Variants in DMXL1 observed in about 807,000 individuals in gnomAD.
DMXL1 encodes the protein Dmx like 1.
DMXL1 carries 99 observed loss-of-function variants against 319.2 expected under a neutral mutation model. The ratio of observed to expected loss-of-function variants is 0.31; its 90% CI spans 0.26 to 0.37. The LOEUF is 0.37. Ranked by LOEUF, DMXL1 falls within the 10% of genes least tolerant of loss-of-function variation. DMXL1 has a pLI of 1.00. For synonymous variants in DMXL1, 1,385 were observed against 1,235.2 expected (o/e 1.12, Z -2.54); for missense variants, 3,745 against 3,595.6 (o/e 1.04, Z -1.06).
rs1051024393 is a variant in DMXL1 at position 119,167,622 on chromosome 5, A to G, written c.5156A>G (p.Asn1719Ser). 1.9e-6 allele frequency: 3 copies of G among 1,602,226 alleles called. No individual in the cohort carries two copies. The African/African-American group carries it at 4.0e-5, about 21-fold the overall frequency. ...TTAAAGGTATGTCTTGAGAAATTGA[A>G]TGACATTCAGTTGGCTCTTGTAATA... The part of the protein sequence containing the change: ...DAIEVCLEKL[N>S]DIQLALVIAR... The change falls in exon 23 of 44, where the codon AAT becomes AGT. Residue 1719 changes from asparagine to serine, a missense_variant. Coordinates refer to ENST00000539542, the MANE Select transcript of DMXL1 (RefSeq NM_001290321.3).
chr5:119,152,054 C>G lies in DMXL1; in HGVS notation c.4702+18C>G. ...TCACCAAGGTGATTTTGATAGTAAT[C>G]TATTAAAGGGAAATAAAGCGAGTAG... On this transcript the variant is annotated intron_variant, in intron 19 of 43. Coordinates refer to ENST00000539542, the MANE Select transcript of DMXL1 (RefSeq NM_001290321.3). 1 of 1,542,490 alleles carries G rather than the reference C, an allele frequency of 6.5e-7. No individual in the cohort carries two copies. The highest frequency in any genetic ancestry group is 8.9e-7 in the Non-Finnish European group (1 of 1,118,200).
At chr5:119,218,376 G>C (rs986812116) in intron 35 of DMXL1, among the ~76,000 whole-genome samples, 7 of 152,080 alleles carry the variant, frequency 4.6e-5, no homozygotes, top group Admixed American at 2.6e-4. Flanking sequence ...ACAAGTTACT[G>C]TCTATGAATA....
intron 9 of DMXL1, among the ~76,000 whole-genome samples, chr5:119,124,491 A>C (rs1179724556): frequency 6.6e-6 from 1 of 151,702 alleles, no homozygotes; most frequent in Middle Eastern, 3.4e-3. Context: ...AGGTCAGTCT[A>C]TTAAGTAAAA....
chr5:119,128,514 G>C (rs1238551768), intron 9 of DMXL1: 1 of 158,152 alleles, frequency 6.3e-6, no homozygotes, highest in African/African-American at 2.4e-5. Context: ...GTGTTCCAGA[G>C]ATTTAAAGAT....
intron 37 of DMXL1, among the ~76,000 whole-genome samples, chr5:119,222,829 CTTA>C (rs766886376): frequency 2.6e-5 from 4 of 152,072 alleles, no homozygotes; most frequent in Admixed American, 1.3e-4. Flanking sequence ...GTCTCTTGAA[CTTA>C]TTAAGCTCAT....
Position 119,149,326 on chromosome 5 carries a change from C to A in DMXL1, c.3499C>A (p.Pro1167Thr), listed in dbSNP as rs370468993. 4 of 1,613,910 alleles carry A rather than the reference C, an allele frequency of 2.5e-6. No individual in the cohort carries two copies. The highest frequency in any genetic ancestry group is 3.4e-6 in the Non-Finnish European group (4 of 1,179,880). Reference sequence around the variant, plus strand: ...TGGATCAAAACTTTTTATGTATGGACCCCTGGCTGGCAAGGTACAAGACCA... The same window carrying A: ...TGGATCAAAACTTTTTATGTATGGAACCCTGGCTGGCAAGGTACAAGACCA... Reference protein sequence around the residue: ...GIGSKLFMYGPLAGKVQDQTG... With the variant: ...GIGSKLFMYGTLAGKVQDQTG... Residue 1167 changes from proline to threonine, a missense_variant, in exon 18 of 44, where the codon CCC becomes ACC. Around this residue, in one of 4 missense-constraint regions of DMXL1, gnomAD observed 2,096 missense variants for 1,985.4 expected, o/e 1.06. Coordinates refer to ENST00000539542, the MANE Select transcript of DMXL1 (RefSeq NM_001290321.3).
intron 22 of DMXL1, 116 bp from the exon 23 acceptor site, chr5:119,167,487 G>T: frequency 1.2e-6 from 1 of 826,330 alleles, no homozygotes; most frequent in East Asian, 2.7e-5. Context: ...ATCCTTCTTT[G>T]CTAATTTTGG....
At chr5:119,173,871 T>C (rs1259525809) in intron 25 of DMXL1, among the ~76,000 whole-genome samples, 1 of 148,370 alleles carries the variant, frequency 6.7e-6, no homozygotes, top group Non-Finnish European at 1.5e-5. Flanking sequence ...GATCTGCAGT[T>C]GGCAAGTTGG....
chr5:119,237,433 C>T lies in DMXL1; in HGVS notation c.8559+19C>T. The stretch of plus-strand genomic sequence containing the variant: ...ATACCTGGTAAGCCAAGAATTTCTA[C>T]CTTTAAATAAAATTTGAATTTTCAT... On this transcript the variant is annotated intron_variant, in intron 40 of 43. Coordinates refer to ENST00000539542, the MANE Select transcript of DMXL1 (RefSeq NM_001290321.3). 1 of 1,476,756 alleles carries T rather than the reference C, an allele frequency of 6.8e-7. No individual in the cohort carries two copies. Among genetic ancestry groups the T allele is most frequent in the South Asian group, 1.2e-5 (1 of 83,104 alleles). 91.5% of individuals were successfully genotyped at this position (1,476,756 alleles called of 1,614,324 possible).
Position 119,170,288 on chromosome 5 carries a change from A to G in DMXL1, c.5497A>G (p.Thr1833Ala). 2 of 1,613,916 alleles carry G rather than the reference A, an allele frequency of 1.2e-6. No individual in the cohort carries two copies. The highest frequency in any genetic ancestry group is 1.7e-6 in the Non-Finnish European group (2 of 1,179,954). Residue 1833 changes from threonine (T) to alanine (A), a missense_variant, in exon 24 of 44, where the codon ACA becomes GCA. Physicochemically the swap from Thr to Ala is moderately conservative, Grantham distance 58. Coordinates refer to ENST00000539542, the MANE Select transcript of DMXL1 (RefSeq NM_001290321.3). ...GAGACGTCATTTTGGATCATCTGATACATTTTCCACACATATGAGCCTAAC... is the reference window on the plus strand; with the variant it reads ...GAGACGTCATTTTGGATCATCTGATGCATTTTCCACACATATGAGCCTAAC... Reference protein sequence around the residue: ...LLRRHFGSSDTFSTHMSLTGK... With the variant: ...LLRRHFGSSDAFSTHMSLTGK...
intron 28 of DMXL1, among the ~76,000 whole-genome samples, chr5:119,188,586 C>A (rs1419339354): frequency 6.6e-6 from 1 of 152,154 alleles, no homozygotes; most frequent in Non-Finnish European, 1.5e-5. Flanking sequence ...AGCAGTAATA[C>A]TGGAAACTTG....
chr5:119,130,064 C>A (rs1764490602), intron 10 of DMXL1, among the ~76,000 whole-genome samples: 1 of 151,652 alleles, frequency 6.6e-6, no homozygotes, highest in Admixed American at 6.6e-5. Context: ...ATCTCTGTGA[C>A]AGTCTGTGGT....
intron 6 of DMXL1, among the ~76,000 whole-genome samples, chr5:119,115,444 C>T (rs750158538): frequency 6.6e-5 from 10 of 152,142 alleles, no homozygotes; most frequent in South Asian, 2.1e-4. Context: ...GAGCATTTCA[C>T]GAGCTGCTAA....
chr5:119,101,074 G>C (rs1052874185), intron 2 of DMXL1, among the ~76,000 whole-genome samples: 2 of 151,970 alleles, frequency 1.3e-5, no homozygotes, highest in African/African-American at 2.4e-5. Context: ...AGCCACCGCG[G>C]CCGGCCTTAC....
chr5:119,170,262 T>C lies in DMXL1; in HGVS notation c.5471T>C (p.Leu1824Pro). 1 of 1,613,836 alleles carries C rather than the reference T, an allele frequency of 6.2e-7. No individual in the cohort carries two copies. The highest frequency in any genetic ancestry group is 8.5e-7 in the Non-Finnish European group (1 of 1,179,930). ...YNYLRTHPLL[L>P]RRHFGSSDTF... ...TATCTAAGAACACATCCTCTTTTGC[T>C]GAGACGTCATTTTGGATCATCTGAT... Residue 1824 changes from leucine (L) to proline (P), a missense_variant, in exon 24 of 44, where the codon CTG becomes CCG. Around this residue, in one of 4 missense-constraint regions of DMXL1, gnomAD observed 1,382 missense variants for 1,269.5 expected, o/e 1.09. Coordinates refer to ENST00000539542, the MANE Select transcript of DMXL1 (RefSeq NM_001290321.3).
intron 26 of DMXL1, 84 bp downstream of exon 26, chr5:119,175,421 A>G (rs1561799788): frequency 1.1e-6 from 1 of 945,316 alleles, no homozygotes; most frequent in East Asian, 2.6e-5. Context: ...TTAGAACTAT[A>G]TATAACAGTC....
At position 119,129,400 on chromosome 5, in the gene DMXL1, A is replaced by G; in HGVS notation, c.1292A>G (p.Gln431Arg). The change falls in exon 10 of 44, where the codon CAG becomes CGG. Residue 431 changes from glutamine (Q) to arginine (R), a missense_variant. Physicochemically the swap from Gln to Arg is conservative, Grantham distance 43. Coordinates refer to ENST00000539542, the MANE Select transcript of DMXL1 (RefSeq NM_001290321.3). ...SSEASVEDSN[Q>R]ADVKSDEETD... ...GAGGCCAGTGTAGAAGATTCTAATC[A>G]GGCAGATGTAAAATCTGATGAAGGT... is the stretch of plus-strand genomic sequence containing the variant. 1 of 1,608,974 alleles carries G rather than the reference A, an allele frequency of 6.2e-7. No homozygotes were observed. The highest frequency in any genetic ancestry group is 8.5e-7 in the Non-Finnish European group (1 of 1,178,610).
At chr5:119,088,110 T>C (rs1295206028) in intron 1 of DMXL1, among the ~76,000 whole-genome samples, 12 of 152,318 alleles carry the variant, frequency 7.9e-5, no homozygotes, top group Middle Eastern at 3.4e-3. Context: ...CAGTGTTTGC[T>C]TTATATGCTT....
intron 10 of DMXL1, among the ~76,000 whole-genome samples, chr5:119,130,252 C>A (rs1188240366): frequency 1.3e-5 from 2 of 152,080 alleles, no homozygotes; most frequent in African/African-American, 2.4e-5. Flanking sequence ...TGCTTATGCT[C>A]ACACAAACAT....
Sources: gnomAD v4.1 joint callset for allele counts (sites outside exome capture counted in the v4.1 genomes callset) on GRCh38, gnomAD v4.1.1 for gene constraint, gnomAD v4.1.1 regional missense constraint, MANE v1.5 for transcripts, NCBI Gene and HGNC (gene_info 2026-07-23, HGNC 2026-07-21) for gene names.